The following CR2 variants were observed in gnomAD, a reference collection of about 807,000 sequenced individuals.
CR2 encodes the protein complement receptor type 2.
In CR2, 96 loss-of-function variants were observed where a neutral mutation model predicts 123.0. That is an observed-to-expected ratio of 0.78 (90% CI 0.66 to 0.93). The LOEUF (loss-of-function observed/expected upper bound fraction) is 0.93. Among genes scored for constraint, CR2 ranks in the 40% least tolerant of loss-of-function variants. CR2 has a pLI of 0.00. For missense variants in CR2, 1,258 were observed against 1,361.0 expected (o/e 0.92, Z 1.19); for synonymous variants, 484 against 469.5 (o/e 1.03, Z -0.40).
chr1:207,478,106 G>A (rs1658494056), intron 16 of CR2, 36 bp downstream of exon 16: 1 of 1,600,022 alleles, frequency 6.2e-7, no homozygotes, highest in South Asian at 1.1e-5. Context: ...CTTGTAACTG[G>A]CTAACGGAGA....
intron 6 of CR2, among the ~76,000 whole-genome samples, chr1:207,470,411 TC>T (rs1188914077): frequency 6.6e-6 from 1 of 152,156 alleles, no homozygotes; most frequent in African/African-American, 2.4e-5. Flanking sequence ...ATTCAAGCCC[TC>T]ATTCCTAGGG....
At chr1:207,473,333 G>C (rs560034577) in intron 10 of CR2, among the ~76,000 whole-genome samples, 154 bp downstream of exon 10, 1 of 152,326 alleles carries the variant, frequency 6.6e-6, no homozygotes, top group South Asian at 2.1e-4. Context: ...TGTGTTGTGT[G>C]TGTGCATGCA....
intron 5 of CR2, 91 bp from the exon 6 acceptor site, chr1:207,469,586 ATAGACTCGGATATCACTG>A (rs1168165545): frequency 9.9e-7 from 1 of 1,015,128 alleles, no homozygotes; most frequent in East Asian, 2.4e-5. Flanking sequence ...CTGATTCATT[ATAGACTCGGATATCACTG>A]TCCTAGGATA....
intron 19 of CR2, among the ~76,000 whole-genome samples, chr1:207,488,562 T>G (rs1658810344): frequency 6.6e-6 from 1 of 152,178 alleles, no homozygotes; most frequent in African/African-American, 2.4e-5. Context: ...AGTTGGAGGT[T>G]GCAGTGAGCT....
chr1:207,461,288 C>A (rs1657959061), intron 1 of CR2, among the ~76,000 whole-genome samples: 2 of 152,078 alleles, frequency 1.3e-5, no homozygotes, highest in South Asian at 4.1e-4. Flanking sequence ...AAAAAACAAG[C>A]AAACAAACTA....
At chr1:207,469,012 AGGGTTGTGAGAGG>A in intron 4 of CR2, 113 bp downstream of exon 4, 1 of 1,385,458 alleles carries the variant, frequency 7.2e-7, no homozygotes, top group Non-Finnish European at 1.0e-6. Context: ...AGTCTGGGGT[AGGGTTGTGAGAGG>A]TAATGCTGAT....
chr1:207,475,221 G>T lies in CR2; in HGVS notation c.2716+5G>T, dbSNP rs377464756. The stretch of plus-strand genomic sequence containing the variant: ...TGCCAACTTGTATCAAAAAAGGTAA[G>T]ATACTTGGAAGGGATAAGTTATGGG... On this transcript the variant is annotated splice_donor_5th_base_variant and intron_variant, in intron 14 of 19. Transcript: ENST00000367057. The T allele has an allele frequency of 3.7e-5, 59 of 1,613,758 alleles. No homozygotes were observed. Among genetic ancestry groups the T allele is most frequent in the Non-Finnish European group, 4.8e-5 (57 of 1,179,888 alleles).
chr1:207,463,984 T>C (rs1057137729), intron 1 of CR2, among the ~76,000 whole-genome samples: 1 of 152,218 alleles, frequency 6.6e-6, no homozygotes, highest in Non-Finnish European at 1.5e-5. Flanking sequence ...ATCTTCCTCA[T>C]GGCCCCCAAT....
Position 207,468,670 on chromosome 1 carries a change from T to G in CR2, c.589T>G (p.Cys197Gly). Residue 197 changes from cysteine (C) to glycine (G), a missense_variant, in exon 3 of 20, where the codon TGT becomes GGT. Cys to Gly is a radical substitution (Grantham distance 159). Transcript: ENST00000367057. ...GCTTGTTGGAGAAAAGATCATTAAC[T>G]GTTTGTCTTCGGGAAAATGGAGTGC... The part of the protein sequence containing the change: ...YLLVGEKIIN[C>G]LSSGKWSAVP... The G allele has an allele frequency of 6.2e-7, 1 of 1,614,134 alleles. No homozygotes were observed. Among genetic ancestry groups the G allele is most frequent in the African/African-American group, 1.3e-5 (1 of 75,038 alleles).
chr1:207,472,146 G>C (rs1658300374), intron 9 of CR2, among the ~76,000 whole-genome samples: 1 of 152,090 alleles, frequency 6.6e-6, no homozygotes, highest in African/African-American at 2.4e-5. Context: ...CTACTTGGGA[G>C]ACTGAGGCAG....
chr1:207,457,957 G>T (rs1308916498), intron 1 of CR2, among the ~76,000 whole-genome samples: 1 of 151,792 alleles, frequency 6.6e-6, no homozygotes, highest in African/African-American at 2.4e-5. Context: ...CTCCTGAGCT[G>T]CAAACTGCCT....
At chr1:207,485,311 A>G (rs1467339901) in intron 18 of CR2, among the ~76,000 whole-genome samples, 153 bp from the exon 19 acceptor site, 2 of 152,356 alleles carry the variant, frequency 1.3e-5, no homozygotes, top group Admixed American at 6.5e-5. Flanking sequence ...CATTCTGCAC[A>G]TGTATCCCAG....
intron 19 of CR2, among the ~76,000 whole-genome samples, chr1:207,487,158 GAGA>G (rs1470167883): frequency 3.9e-5 from 6 of 152,220 alleles, no homozygotes; most frequent in Non-Finnish European, 8.8e-5. Flanking sequence ...ATACTATCCA[GAGA>G]AGAACCTTAA....
rs1658194940 is a variant in CR2 at position 207,469,222 on chromosome 1, A to G, written c.807A>G (p.Pro269=). 6.2e-7 allele frequency: 1 copy of G among 1,613,536 alleles called. No homozygotes were observed. Among genetic ancestry groups the G allele is most frequent in the Non-Finnish European group, 8.5e-7 (1 of 1,179,652 alleles). Residue 269 remains proline (P), a synonymous_variant, in exon 5 of 20, where the codon CCA becomes CCG. Transcript: ENST00000367057. ...AGQGVAWTKM[P]VCEEIFCPSP... ...AGGGAGTTGCTTGGACCAAAATGCC[A>G]GTATGTGAAGGTAGGCTAGGCAACT... is the stretch of plus-strand genomic sequence containing the variant.
intron 1 of CR2, among the ~76,000 whole-genome samples, chr1:207,458,748 T>G (rs1256353036): frequency 6.6e-6 from 1 of 152,232 alleles, no homozygotes; most frequent in African/African-American, 2.4e-5. Flanking sequence ...GTGCATTACA[T>G]TGTGACATAT....
chr1:207,480,187 C>G (rs575142366), intron 18 of CR2, 134 bp downstream of exon 18: 16 of 728,232 alleles, frequency 2.2e-5, no homozygotes, highest in Admixed American at 8.0e-5. Flanking sequence ...GTATCTCGTG[C>G]TATACAAAAG....
In CR2 at chr1:207,457,782, C is replaced by CT. The variant is rs147783714; in HGVS notation, c.58+3312dup. Among the ~76,000 whole-genome samples, 901 of 152,184 alleles carry CT rather than the reference C, an allele frequency of 5.9e-3. 9 individuals are homozygous for CT. Among genetic ancestry groups the CT allele is most frequent in the African/African-American group, 0.019 (803 of 41,524 alleles). On this transcript the variant is annotated intron_variant, in intron 1 of 19. Transcript: ENST00000367057. ...CCATACTTCCCTGTTGTCTCTTAGTCTTTTTTGTTCTATCTCTAAATATTA... is the reference window on the plus strand; with the variant it reads ...CCATACTTCCCTGTTGTCTCTTAGTCTTTTTTTGTTCTATCTCTAAATATTA...
chr1:207,485,664 A>C, intron 19 of CR2, 92 bp downstream of exon 19: 1 of 754,470 alleles, frequency 1.3e-6, no homozygotes, highest in Non-Finnish European at 2.4e-6. Flanking sequence ...GTGTATATAC[A>C]TGCTTCTTAC....
chr1:207,476,132 G>A, intron 14 of CR2, 102 bp from the exon 15 acceptor site: 1 of 1,085,098 alleles, frequency 9.2e-7, no homozygotes. Flanking sequence ...CAGTTAGTTG[G>A]CTTGTTGCTT....
Sources: allele counts gnomAD v4.1 joint callset (sites outside exome capture counted in the v4.1 genomes callset), GRCh38; gene constraint gnomAD v4.1.1; transcripts MANE v1.5; gene names NCBI Gene and HGNC (gene_info 2026-07-23, HGNC 2026-07-21).